Variants in HSPA14 observed in about 807,000 individuals in gnomAD.
HSPA14 encodes heat shock 70 kDa protein 14.
In HSPA14, 37 loss-of-function variants were observed where a neutral mutation model predicts 65.5. That is an observed-to-expected ratio of 0.56 (90% CI 0.43 to 0.74). The LOEUF (loss-of-function observed/expected upper bound fraction) is 0.74, where lower values mean the gene tolerates loss of function less well. HSPA14 is among the 30% of genes least tolerant of loss of function. The pLI, the probability that HSPA14 is intolerant of heterozygous loss-of-function variation, is 0.00. For synonymous variants in HSPA14, 203 were observed against 214.2 expected (o/e 0.95, Z 0.46); for missense variants, 564 against 607.6 (o/e 0.93, Z 0.75).
Position 14,842,056 on chromosome 10 carries a change from C to A in HSPA14, c.221+1899C>A. The A allele has an allele frequency of 9.5e-7, 1 of 1,053,598 alleles. No individual in the cohort carries two copies. The highest frequency in any genetic ancestry group is 1.4e-6 in the Non-Finnish European group (1 of 717,146). 65.3% of individuals were successfully genotyped at this position (1,053,598 alleles called of 1,614,324 possible). A position where few individuals can be genotyped will look rare whatever the true frequency, so the allele number is the denominator to read the frequency against. Reference sequence around the variant, plus strand: ...CTCATGCCTGTTTATGACCTACTCACAGGTAGCACCACTTAACTTGCTGCC... The same window carrying A: ...CTCATGCCTGTTTATGACCTACTCAAAGGTAGCACCACTTAACTTGCTGCC... On this transcript the variant is annotated intron_variant, in intron 3 of 13. Coordinates refer to ENST00000378372, the MANE Select transcript of HSPA14 (RefSeq NM_016299.4). This position sits in a 1 kb window ranked among gnomAD's most constrained non-coding sequence, Gnocchi z 5.2.
chr10:14,846,263 G>T, intron 3 of HSPA14: 1 of 985,346 alleles, frequency 1.0e-6, no homozygotes, highest in Non-Finnish European at 1.2e-6. Flanking sequence ...TGGAAACACA[G>T]AAGTACTTGA....
chr10:14,844,420 G>A (rs1834018309), intron 3 of HSPA14: 1 of 993,922 alleles, frequency 1.0e-6, no homozygotes, highest in African/African-American at 1.7e-5. Context: ...TTCCTTTGCT[G>A]GTCTAACTTG....
At chr10:14,856,688 CCT>C (rs372401182) in intron 10 of HSPA14, among the ~76,000 whole-genome samples, 4 of 151,886 alleles carry the variant, frequency 2.6e-5, no homozygotes, top group African/African-American at 9.7e-5. Flanking sequence ...ATAGTGAGAC[CCT>C]GTCTCTACAA....
chr10:14,871,710 CTA>C lies in HSPA14; in HGVS notation c.*106_*107del, dbSNP rs749364532. Reference sequence around the variant, plus strand: ...ATACTTTTTCAATGAACTGTATAAACTATGTTTTATTAAACTACAATATATCA... The same window carrying C: ...ATACTTTTTCAATGAACTGTATAAACTGTTTTATTAAACTACAATATATCA... On this transcript the variant is annotated 3_prime_UTR_variant, in exon 14 of 14. Coordinates refer to ENST00000378372, the MANE Select transcript of HSPA14 (RefSeq NM_016299.4). 25 of 575,998 alleles carry C rather than the reference CTA, an allele frequency of 4.3e-5. No homozygotes were observed. Among genetic ancestry groups the C allele is most frequent in the East Asian group, 9.7e-5 (3 of 30,910 alleles). The allele number at this position is 575,998 out of a possible 1,614,324, so 35.7% of individuals were successfully genotyped here.
At chr10:14,861,531 A>G (rs11813828) in intron 10 of HSPA14, among the ~76,000 whole-genome samples, 18,033 of 151,892 alleles carry the variant, frequency 0.12, 1,381 homozygotes, top group South Asian at 0.21. Flanking sequence ...GGCTGGTCTC[A>G]AACTCCTGGG....
chr10:14,846,964 C>A (rs1834063444), intron 3 of HSPA14: 1 of 985,228 alleles, frequency 1.0e-6, no homozygotes, highest in Non-Finnish European at 1.2e-6. Context: ...GTTCGGTAAT[C>A]CTGGTGTGGA....
chr10:14,857,099 A>G (rs1370907149), intron 10 of HSPA14, among the ~76,000 whole-genome samples: 2 of 152,048 alleles, frequency 1.3e-5, no homozygotes, highest in Non-Finnish European at 2.9e-5. Flanking sequence ...TTCCCCCCAT[A>G]TTACTATAGT....
At position 14,852,473 on chromosome 10, in the gene HSPA14, A is replaced by G. The variant is rs776584789; in HGVS notation, c.676A>G (p.Ile226Val). ...RVLSTNTDDN[I>V]GGAHFTETLA... ...TCTTTCAACAAACACTGATGATAACATCGGTGGTGCACATTTCACAGAAAC... is the reference window on the plus strand; with the variant it reads ...TCTTTCAACAAACACTGATGATAACGTCGGTGGTGCACATTTCACAGAAAC... Residue 226 changes from isoleucine (I) to valine (V), a missense_variant, in exon 8 of 14, where the codon ATC becomes GTC. Physicochemically the swap from Ile to Val is conservative, Grantham distance 29. Transcript: ENST00000378372. The G allele has an allele frequency of 6.2e-6, 10 of 1,613,932 alleles. No homozygotes were observed. In the East Asian group the frequency reaches 2.2e-4, roughly 36 times the overall value.
In HSPA14 at chr10:14,852,508, G is replaced by A. The variant is rs887168557; in HGVS notation, c.711G>A (p.Gln237=). 4 of 1,612,540 alleles carry A rather than the reference G, an allele frequency of 2.5e-6. No individual in the cohort carries two copies. The highest frequency in any genetic ancestry group is 3.4e-6 in the Non-Finnish European group (4 of 1,179,250). Residue 237 remains glutamine, a synonymous_variant, in exon 8 of 14, where the codon CAG becomes CAA. Transcript: ENST00000378372. ...GGAHFTETLA[Q]YLASEFQRSF... is the part of the protein sequence containing the mutation. ...CACATTTCACAGAAACCTTAGCACAGTATCTAGCTTCTGAGTTCCAAAGGT... is the reference window on the plus strand; with the variant it reads ...CACATTTCACAGAAACCTTAGCACAATATCTAGCTTCTGAGTTCCAAAGGT...
At position 14,849,780 on chromosome 10, in the gene HSPA14, G is replaced by C. The variant is rs751561981; in HGVS notation, c.436G>C (p.Asp146His). The C allele has an allele frequency of 2.5e-6, 4 of 1,613,418 alleles. No homozygotes were observed. In the South Asian group the frequency reaches 4.4e-5, roughly 18 times the overall value. ...TGATGTAGTTATTACTGTCCCGTTTGATTTTGGAGAAAAGCAAAAAAATGC... is the reference window on the plus strand; with the variant it reads ...TGATGTAGTTATTACTGTCCCGTTTCATTTTGGAGAAAAGCAAAAAAATGC... ...ANDVVITVPF[D>H]FGEKQKNALG... Residue 146 changes from aspartate to histidine, a missense_variant, in exon 6 of 14, where the codon GAT becomes CAT. Physicochemically the swap from Asp to His is moderately conservative, Grantham distance 81. Coordinates refer to ENST00000378372, the MANE Select transcript of HSPA14 (RefSeq NM_016299.4).
chr10:14,850,966 T>C (rs1360839519), intron 6 of HSPA14: 1 of 287,436 alleles, frequency 3.5e-6, no homozygotes, highest in Non-Finnish European at 6.4e-6. Flanking sequence ...TTATTTCTCT[T>C]ATTCAGTACG....
At chr10:14,844,015 T>C in intron 3 of HSPA14, 1 of 1,452,878 alleles carries the variant, frequency 6.9e-7, no homozygotes, top group Non-Finnish European at 9.0e-7. Flanking sequence ...ACCATTTATA[T>C]CCAGATAGTA....
At chr10:14,867,706 A>C in intron 11 of HSPA14, 30 bp from the exon 12 acceptor site, 2 of 1,583,574 alleles carry the variant, frequency 1.3e-6, no homozygotes, top group Non-Finnish European at 1.7e-6. Context: ...TAAATACCAA[A>C]GAGTATGCAC....
At position 14,838,345 on chromosome 10, in the gene HSPA14, G is replaced by C. The variant is rs1833917231; in HGVS notation, c.-58G>C. ...TGCCTGATGGGGCCGTTGGGCGGCC[G>C]GTAGCTGTTGCTGTTGGGGGACCCC... On this transcript the variant is annotated 5_prime_UTR_variant, in exon 1 of 14. Transcript: ENST00000378372. The C allele has an allele frequency of 6.6e-7, 1 of 1,522,406 alleles. No individual in the cohort carries two copies. 94.3% of individuals were successfully genotyped at this position (1,522,406 alleles called of 1,614,324 possible).
At chr10:14,869,878 A>G (rs909951583) in intron 12 of HSPA14, among the ~76,000 whole-genome samples, 1 of 152,168 alleles carries the variant, frequency 6.6e-6, no homozygotes, top group African/African-American at 2.4e-5. Flanking sequence ...ATCCTAACTT[A>G]AAGATGCCAG....
intron 6 of HSPA14, among the ~76,000 whole-genome samples, chr10:14,850,074 G>T (rs1198359813): frequency 6.6e-6 from 1 of 152,112 alleles, no homozygotes; most frequent in Non-Finnish European, 1.5e-5. Flanking sequence ...AGGAGTTCGA[G>T]ACCTGCCTAG....
intron 12 of HSPA14, 68 bp downstream of exon 12, chr10:14,867,977 T>G (rs1280672532): frequency 1.6e-6 from 2 of 1,260,330 alleles, no homozygotes; most frequent in East Asian, 2.4e-5. Flanking sequence ...CAGTTTAATA[T>G]CTTAATACAA....
In HSPA14 at chr10:14,842,619, T is replaced by C; in HGVS notation, c.221+2462T>C. 4 of 1,536,162 alleles carry C rather than the reference T, an allele frequency of 2.6e-6. No individual in the cohort carries two copies. The highest frequency in any genetic ancestry group is 1.2e-5 in the South Asian group (1 of 84,056). ...ATAGTGACTGACCCAGACAACTTAA[T>C]GGAGGATGCTGCTTGGGCCAAGCAC... On this transcript the variant is annotated intron_variant, in intron 3 of 13. Coordinates refer to ENST00000378372, the MANE Select transcript of HSPA14 (RefSeq NM_016299.4). The surrounding 1 kb of genome is among the most constrained non-coding windows in gnomAD (Gnocchi z 5.2).
At chr10:14,838,606 C>T (rs541472604) in intron 1 of HSPA14, 147 bp downstream of exon 1, 117 of 723,226 alleles carry the variant, frequency 1.6e-4, no homozygotes, top group African/African-American at 1.3e-3. Context: ...GAGCGAAGGG[C>T]CGGGCAGGCC....
Sources: gnomAD v4.1 joint callset for allele counts (sites outside exome capture counted in the v4.1 genomes callset) on GRCh38, gnomAD v4.1.1 for gene constraint, Gnocchi (gnomAD v3.1) non-coding constraint, MANE v1.5 for transcripts, NCBI Gene and HGNC (gene_info 2026-07-23, HGNC 2026-07-21) for gene names.